The following KCNAB1 variants were observed in gnomAD, a reference collection of about 807,000 sequenced individuals.
KCNAB1 encodes potassium voltage-gated channel subfamily A regulatory beta subunit 1.
In KCNAB1, 35 loss-of-function variants were observed where a neutral mutation model predicts 64.6. The observed-to-expected ratio is 0.54, with a 90% confidence interval of 0.41 to 0.72. KCNAB1 has a LOEUF of 0.72. Ranked by LOEUF, KCNAB1 falls within the 30% of genes least tolerant of loss-of-function variation. KCNAB1 has a pLI of 0.00. For missense variants in KCNAB1, 401 were observed against 512.9 expected (o/e 0.78, Z 2.11); for synonymous variants, 177 against 183.8 (o/e 0.96, Z 0.30).
chr3:156,291,442 C>T lies in KCNAB1; in HGVS notation c.276-130174C>T. ...TGTGGTCCAGGGGATGCTGGCGGCG[C>T]ATCTTGCGGTAAGCCTGCGCTGATT... On this transcript the variant is annotated intron_variant, in intron 1 of 13. Coordinates refer to ENST00000490337, the MANE Select transcript of KCNAB1 (RefSeq NM_172160.3). 6 of 1,007,370 alleles carry T rather than the reference C, an allele frequency of 6.0e-6. No individual in the cohort carries two copies. In the South Asian group the frequency reaches 2.5e-4, roughly 43 times the overall value. 62.4% of individuals were successfully genotyped at this position (1,007,370 alleles called of 1,614,324 possible).
At chr3:156,187,063 A>G (rs1245146187) in intron 1 of KCNAB1, among the ~76,000 whole-genome samples, 1 of 152,138 alleles carries the variant, frequency 6.6e-6, no homozygotes, top group East Asian at 1.9e-4. Context: ...TATGTTGCCC[A>G]GGCTGGTCTA....
At chr3:156,501,169 C>A (rs1335503420) in intron 8 of KCNAB1, among the ~76,000 whole-genome samples, 1 of 152,124 alleles carries the variant, frequency 6.6e-6, no homozygotes, top group Non-Finnish European at 1.5e-5. Flanking sequence ...CATTCTCCTC[C>A]TCGGGGAACT....
rs760737424 is a variant in KCNAB1, at chr3:156,536,726, CAAG to C, written c.1243_1245del (p.Lys415del). 241 of 1,610,862 alleles carry C rather than the reference CAAG, an allele frequency of 1.5e-4. No individual in the cohort carries two copies. The highest frequency in any genetic ancestry group is 2.7e-4 in the East Asian group (12 of 44,864). On this transcript the variant is annotated inframe_deletion, in exon 14 of 14. Coordinates refer to ENST00000490337, the MANE Select transcript of KCNAB1 (RefSeq NM_172160.3). ...ACATACTGCGCAACAAGCCCTACAG[CAAG>C]AAGGACTATAGATCATAAGGCAATG...
chr3:156,380,368 ATATG>A (rs1712057834), intron 1 of KCNAB1, among the ~76,000 whole-genome samples: 2 of 152,224 alleles, frequency 1.3e-5, no homozygotes, highest in Non-Finnish European at 2.9e-5. Flanking sequence ...TTTGATAGCT[ATATG>A]CATTCCTTGG....
intron 1 of KCNAB1, among the ~76,000 whole-genome samples, chr3:156,131,570 A>T (rs1219397838): frequency 6.6e-6 from 1 of 152,156 alleles, no homozygotes; most frequent in African/African-American, 2.4e-5. Flanking sequence ...ATTAAAGGTA[A>T]CCCTAGCTGC....
intron 6 of KCNAB1, 49 bp downstream of exon 6, chr3:156,463,795 T>C (rs770135722): frequency 6.9e-7 from 1 of 1,440,396 alleles, no homozygotes; most frequent in East Asian, 2.3e-5. Context: ...GTTCATGCTT[T>C]TTTGCTGTTA....
chr3:156,245,415 A>G (rs1049206917), intron 1 of KCNAB1, among the ~76,000 whole-genome samples: 13 of 152,212 alleles, frequency 8.5e-5, no homozygotes, highest in African/African-American at 2.9e-4. Flanking sequence ...AACATGGTAC[A>G]ACATTAGAAC....
In KCNAB1 at chr3:156,455,076, G is replaced by A. The variant is rs138563533; in HGVS notation, c.357+2140G>A. 6.8e-3 allele frequency among the ~76,000 whole-genome samples: 1,041 copies of A among 152,304 alleles called. 14 individuals are homozygous for A. Among genetic ancestry groups the A allele is most frequent in the African/African-American group, 0.024 (995 of 41,558 alleles). ...GTGGCCTTCCCTGGGTCCCTGAAGA[G>A]AGAATACCAGCAAAGAGAAGAAGGG... On this transcript the variant is annotated intron_variant, in intron 3 of 13. Transcript: ENST00000490337.
chr3:156,304,322 A>C (rs1721344477), intron 1 of KCNAB1, among the ~76,000 whole-genome samples: 1 of 152,230 alleles, frequency 6.6e-6, no homozygotes, highest in Non-Finnish European at 1.5e-5. Flanking sequence ...GGGAATGAAT[A>C]GTTTAACTAC....
At chr3:156,300,356 C>T (rs1034719435) in intron 1 of KCNAB1, among the ~76,000 whole-genome samples, 6 of 152,188 alleles carry the variant, frequency 3.9e-5, no homozygotes, top group African/African-American at 1.4e-4. Context: ...TACTTGAAAA[C>T]CGTTACTACA....
At chr3:156,474,576 A>G (rs1391361259) in intron 7 of KCNAB1, 158 bp from the exon 8 acceptor site, 2 of 491,436 alleles carry the variant, frequency 4.1e-6, no homozygotes, top group East Asian at 6.8e-5. Flanking sequence ...ATATTTTTAA[A>G]ACGTTCTAGA....
At chr3:156,277,875 G>A (rs1228787275) in intron 1 of KCNAB1, among the ~76,000 whole-genome samples, 1 of 152,152 alleles carries the variant, frequency 6.6e-6, no homozygotes, top group East Asian at 1.9e-4. Context: ...CAGTGTACAA[G>A]AGTTCCCACA....
At chr3:156,221,949 C>A (rs1715791562) in intron 1 of KCNAB1, among the ~76,000 whole-genome samples, 1 of 152,028 alleles carries the variant, frequency 6.6e-6, no homozygotes, top group Non-Finnish European at 1.5e-5. Context: ...TCAAAATATA[C>A]CAGAATAGCA....
intron 1 of KCNAB1, among the ~76,000 whole-genome samples, chr3:156,300,416 T>C (rs1320375690): frequency 6.6e-6 from 1 of 152,200 alleles, no homozygotes; most frequent in East Asian, 1.9e-4. Flanking sequence ...CTCCTAGATT[T>C]CATTTTCTGA....
intron 1 of KCNAB1, among the ~76,000 whole-genome samples, chr3:156,289,848 T>C (rs991021633): frequency 1.3e-5 from 2 of 152,206 alleles, no homozygotes; most frequent in Non-Finnish European, 2.9e-5. Flanking sequence ...GAAGAAATGG[T>C]CAGACCAGCT....
chr3:156,457,386 A>T (rs1712521740), intron 3 of KCNAB1, 67 bp from the exon 4 acceptor site: 1 of 1,609,566 alleles, frequency 6.2e-7, no homozygotes. Context: ...CCGGTAGAGG[A>T]CTCAAAGTTG....
At chr3:156,186,286 C>T (rs1196490830) in intron 1 of KCNAB1, among the ~76,000 whole-genome samples, 1 of 152,168 alleles carries the variant, frequency 6.6e-6, no homozygotes, top group Admixed American at 6.5e-5. Flanking sequence ...GAAATTAGAG[C>T]CCATCTTTAA....
chr3:156,383,640 T>C (rs990624796), intron 1 of KCNAB1, among the ~76,000 whole-genome samples: 6 of 152,156 alleles, frequency 3.9e-5, no homozygotes, highest in African/African-American at 1.4e-4. Context: ...ACCCTGATAC[T>C]TGGCAAAGTT....
chr3:156,263,236 T>C (rs1718526283), intron 1 of KCNAB1, among the ~76,000 whole-genome samples: 1 of 152,018 alleles, frequency 6.6e-6, no homozygotes, highest in Admixed American at 6.5e-5. Context: ...CTTAGGTTAT[T>C]GATTTGATAC....
Sources: allele counts gnomAD v4.1 joint callset (sites outside exome capture counted in the v4.1 genomes callset), GRCh38; gene constraint gnomAD v4.1.1; transcripts MANE v1.5; gene names NCBI Gene and HGNC (gene_info 2026-07-23, HGNC 2026-07-21).